ELK3: variants seen among roughly 807,000 people sequenced by gnomAD.
ELK3 encodes ETS domain-containing protein Elk-3.
In ELK3, 10 loss-of-function variants were observed where a neutral mutation model predicts 28.9. The ratio of observed to expected loss-of-function variants is 0.35; its 90% CI spans 0.21 to 0.59. ELK3 has a LOEUF of 0.59. ELK3 is among the 20% of genes least tolerant of loss of function. The pLI is 0.82. For missense variants in ELK3, 463 were observed against 517.3 expected (o/e 0.90, Z 1.02); for synonymous variants, 272 against 243.5 (o/e 1.12, Z -1.09).
In ELK3 at chr12:96,218,858, C is replaced by T. The variant is rs144718496; in HGVS notation, c.-2-4707C>T. On this transcript the variant is annotated intron_variant, in intron 1 of 4. Coordinates refer to ENST00000228741, the MANE Select transcript of ELK3 (RefSeq NM_005230.4). ...AGAGACAGGGTTTCACTGTGTTAGCCGGGATGGTCTCGATCTCCTGACCTT... is the reference window on the plus strand; with the variant it reads ...AGAGACAGGGTTTCACTGTGTTAGCTGGGATGGTCTCGATCTCCTGACCTT... Among the ~76,000 whole-genome samples the T allele has an allele frequency of 4.1e-3, 624 of 152,148 alleles. 2 individuals are homozygous for T. The highest frequency in any genetic ancestry group is 0.013 in the African/African-American group (534 of 41,514).
At chr12:96,233,044 T>TA (rs561811606) in intron 2 of ELK3, among the ~76,000 whole-genome samples, 36 of 152,320 alleles carry the variant, frequency 2.4e-4, no homozygotes, top group African/African-American at 8.7e-4. Context: ...CTCCTCTTAC[T>TA]GTTCTTGGCA....
rs1183286741 is a variant in ELK3 at position 96,194,383 on chromosome 12, G to GGGCGGCCAGCCCC, written c.-320_-308dup. 18 of 146,700 alleles carry GGGCGGCCAGCCCC rather than the reference G, an allele frequency of 1.2e-4. No individual in the cohort carries two copies. Among genetic ancestry groups the GGGCGGCCAGCCCC allele is most frequent in the Admixed American group, 6.8e-4 (10 of 14,766 alleles). 9.1% of individuals were successfully genotyped at this position (146,700 alleles called of 1,614,324 possible). On this transcript the variant is annotated 5_prime_UTR_variant, in exon 1 of 5. Coordinates refer to ENST00000228741, the MANE Select transcript of ELK3 (RefSeq NM_005230.4). ...GGGGCGGCGGGGGAGGCGCGGGCCT[G>GGGCGGCCAGCCCC]GGCGGCCAGCCCCGGCGCACAGCCG...
chr12:96,244,629 C>G (rs181966183), intron 2 of ELK3, among the ~76,000 whole-genome samples: 18 of 151,850 alleles, frequency 1.2e-4, no homozygotes, highest in Non-Finnish European at 2.2e-4. Flanking sequence ...AGTGTTCAAA[C>G]TCGCTGAGGG....
chr12:96,226,516 C>CCACATGCA (rs113727989), intron 2 of ELK3, among the ~76,000 whole-genome samples: 123,143 of 150,084 alleles, frequency 0.82, 50,451 homozygotes, highest in East Asian at 1. Flanking sequence ...ACACCCATGC[C>CCACATGCA]CACACAGATG....
chr12:96,199,599 C>T (rs1455044712), intron 1 of ELK3, among the ~76,000 whole-genome samples: 2 of 151,992 alleles, frequency 1.3e-5, no homozygotes, highest in African/African-American at 2.4e-5. Context: ...ATTCAACTCC[C>T]CATGGTTCCT....
chr12:96,238,677 G>A (rs1951799726), intron 2 of ELK3, among the ~76,000 whole-genome samples: 1 of 152,234 alleles, frequency 6.6e-6, no homozygotes, highest in Non-Finnish European at 1.5e-5. Context: ...ATGTTAGGGT[G>A]TCCCTCCAAA....
chr12:96,215,710 A>T (rs1951610827), intron 1 of ELK3, among the ~76,000 whole-genome samples: 1 of 144,072 alleles, frequency 6.9e-6, no homozygotes, highest in Admixed American at 7.4e-5. Context: ...ATCACAGCTC[A>T]CTGCAGCCTC....
At chr12:96,251,971 T>A (rs1951910475) in intron 3 of ELK3, among the ~76,000 whole-genome samples, 1 of 152,222 alleles carries the variant, frequency 6.6e-6, no homozygotes, top group Non-Finnish European at 1.5e-5. Context: ...GAAACGGCCT[T>A]CTACTGGAAG....
intron 1 of ELK3, among the ~76,000 whole-genome samples, chr12:96,202,386 TC>T (rs536455775): frequency 4.6e-5 from 7 of 152,284 alleles, no homozygotes; most frequent in Non-Finnish European, 8.8e-5. Context: ...TTTTTCAGAC[TC>T]CATGCCTAAC....
At chr12:96,259,086 T>C (rs544631175) in intron 3 of ELK3, among the ~76,000 whole-genome samples, 1 of 152,278 alleles carries the variant, frequency 6.6e-6, no homozygotes, top group South Asian at 2.1e-4. Flanking sequence ...CTTTATGGGA[T>C]CCTATTTTGT....
chr12:96,253,389 C>T (rs1305840561), intron 3 of ELK3, among the ~76,000 whole-genome samples: 4 of 152,242 alleles, frequency 2.6e-5, no homozygotes, highest in Non-Finnish European at 5.9e-5. Flanking sequence ...TGGTTCTGCC[C>T]TGCTTCCTCC....
intron 3 of ELK3, among the ~76,000 whole-genome samples, chr12:96,259,355 C>T (rs1207090217): frequency 6.6e-6 from 1 of 152,028 alleles, no homozygotes; most frequent in African/African-American, 2.4e-5. Context: ...AGTTCGAGAC[C>T]AGCCTGGCCA....
chr12:96,201,385 C>G (rs1951506616), intron 1 of ELK3, among the ~76,000 whole-genome samples: 1 of 151,940 alleles, frequency 6.6e-6, no homozygotes, highest in African/African-American at 2.4e-5. Flanking sequence ...TTTTGGGAGG[C>G]TGAAGCAGGC....
intron 2 of ELK3, among the ~76,000 whole-genome samples, chr12:96,232,140 C>T (rs983633166): frequency 6.6e-6 from 1 of 152,070 alleles, no homozygotes; most frequent in Admixed American, 6.5e-5. Flanking sequence ...AAGGCAGGGA[C>T]GTGTGGATGA....
At chr12:96,242,253 C>T (rs1253213970) in intron 2 of ELK3, among the ~76,000 whole-genome samples, 18 of 152,194 alleles carry the variant, frequency 1.2e-4, no homozygotes, top group Admixed American at 1.2e-3. Flanking sequence ...TTCATAGTAG[C>T]CAAGACCTCA....
At position 96,253,289 on chromosome 12, in the gene ELK3, G is replaced by C. The variant is rs1951921833; in HGVS notation, c.1002+5555G>C. On this transcript the variant is annotated intron_variant, in intron 3 of 4. Transcript: ENST00000228741. ...CAAAAAAATAAATAAATAAATAAAA[G>C]AGTCAATCAATGTGGCAAACTTCAT... Among the ~76,000 whole-genome samples the C allele has an allele frequency of 2.0e-5, 3 of 152,110 alleles. No homozygotes were observed. The South Asian group carries it at 6.2e-4, about 32-fold the overall frequency.
rs1438384247 is a variant in ELK3, at chr12:96,268,275, G to A, written c.*1095G>A. 1 of 152,268 alleles carries A rather than the reference G, an allele frequency of 6.6e-6. No individual in the cohort carries two copies. Among genetic ancestry groups the A allele is most frequent in the East Asian group, 1.9e-4 (1 of 5,180 alleles). The allele number at this position is 152,268 out of a possible 1,614,324, so 9.4% of individuals were successfully genotyped here. On this transcript the variant is annotated 3_prime_UTR_variant, in exon 5 of 5. Transcript: ENST00000228741. ...AAAAACTTGCTGTAATACAAATAGA[G>A]AGTGGAGGTACTAAAGGCCTTGCTT...
At chr12:96,221,178 C>G (rs1359167442) in intron 1 of ELK3, among the ~76,000 whole-genome samples, 1 of 152,212 alleles carries the variant, frequency 6.6e-6, no homozygotes, top group African/African-American at 2.4e-5. Context: ...CAGTTGAGAA[C>G]ATTTAACAAG....
chr12:96,253,244 G>C (rs1298064223), intron 3 of ELK3, among the ~76,000 whole-genome samples: 1 of 152,154 alleles, frequency 6.6e-6, no homozygotes, highest in African/African-American at 2.4e-5. Flanking sequence ...TGGACAACAA[G>C]AGCGAAACTC....
Sources: gnomAD v4.1 joint callset for allele counts (sites outside exome capture counted in the v4.1 genomes callset) on GRCh38, gnomAD v4.1.1 for gene constraint, MANE v1.5 for transcripts, NCBI Gene and HGNC (gene_info 2026-07-23, HGNC 2026-07-21) for gene names.